LUZP2: variants seen among roughly 807,000 people sequenced by gnomAD.
The protein encoded by LUZP2 is leucine zipper protein 2.
A neutral mutation model predicts 51.6 loss-of-function variants in LUZP2; 52 were observed. That is an observed-to-expected ratio of 1.01 (90% CI 0.81 to 1.27). LUZP2 has a LOEUF of 1.27. LUZP2 is among the 50% of genes most tolerant of loss of function. LUZP2 has a pLI of 0.00. For synonymous variants in LUZP2, 154 were observed against 137.3 expected, an observed-to-expected ratio of 1.12 and a Z score of -0.85; for missense variants, 436 against 395.4, an observed-to-expected ratio of 1.10 and a Z score of -0.87.
At chr11:24,743,023 T>TG (rs1313991941) in intron 4 of LUZP2, among the ~76,000 whole-genome samples, 1 of 152,084 alleles carries the variant, frequency 6.6e-6, no homozygotes, top group Admixed American at 6.6e-5. Flanking sequence ...GGTTTATTTC[T>TG]GGGTTCACTA....
intron 1 of LUZP2, among the ~76,000 whole-genome samples, chr11:24,617,530 G>A (rs1372697628): frequency 1.3e-5 from 2 of 152,148 alleles, no homozygotes; most frequent in African/African-American, 4.8e-5. Flanking sequence ...ATTAAAACTT[G>A]GATAGTTGGG....
chr11:25,038,767 G>T (rs1857942638), intron 9 of LUZP2, among the ~76,000 whole-genome samples: 1 of 152,280 alleles, frequency 6.6e-6, no homozygotes, highest in Admixed American at 6.5e-5. Context: ...TTCTCATCTG[G>T]AAGGGCTAGC....
chr11:24,535,220 G>A (rs998793899), intron 1 of LUZP2, among the ~76,000 whole-genome samples: 1 of 151,258 alleles, frequency 6.6e-6, no homozygotes, highest in African/African-American at 2.4e-5. Flanking sequence ...TTACCTCAAT[G>A]TTGATGGCTA....
intron 4 of LUZP2, among the ~76,000 whole-genome samples, chr11:24,739,371 G>C (rs1859053692): frequency 6.6e-6 from 1 of 151,984 alleles, no homozygotes; most frequent in Admixed American, 6.6e-5. Context: ...TAATAAAAGG[G>C]GGGCAGTTAG....
chr11:24,832,133 A>G (rs1486693947), intron 5 of LUZP2: 1 of 152,198 alleles, frequency 6.6e-6, no homozygotes, highest in Non-Finnish European at 1.5e-5. Flanking sequence ...GATACTTGCT[A>G]TAATGGAAGA....
intron 9 of LUZP2, among the ~76,000 whole-genome samples, chr11:25,000,048 A>ATCCATTTTACAGAGTGCTAATTGG (rs1554952647): frequency 2.7e-5 from 4 of 150,794 alleles, no homozygotes; most frequent in Non-Finnish European, 4.4e-5. Flanking sequence ...GCACTGATTG[A>ATCCATTTTACAGAGTGCTAATTGG]TCCATTTTAC....
chr11:24,770,927 T>A (rs1860390282), intron 5 of LUZP2, among the ~76,000 whole-genome samples: 2 of 145,066 alleles, frequency 1.4e-5, no homozygotes, highest in African/African-American at 2.5e-5. Context: ...CCAGCCTGCC[T>A]GCTGCCCTGC....
At chr11:24,517,513 A>AAAAAAAAAAAAAAAATT (rs1850510206) in intron 1 of LUZP2, among the ~76,000 whole-genome samples, 1 of 145,430 alleles carries the variant, frequency 6.9e-6, no homozygotes, top group Non-Finnish European at 1.5e-5. Flanking sequence ...AAAAAAAAAA[A>AAAAAAAAAAAAAAAATT]TTGTAGGTAC....
chr11:24,598,746 G>A (rs1853526942), intron 1 of LUZP2, among the ~76,000 whole-genome samples: 1 of 152,128 alleles, frequency 6.6e-6, no homozygotes, highest in Non-Finnish European at 1.5e-5. Context: ...CTAGTTTTGT[G>A]TCTACCTAAA....
chr11:24,644,099 A>G (rs962900644), intron 1 of LUZP2, among the ~76,000 whole-genome samples: 4 of 152,166 alleles, frequency 2.6e-5, no homozygotes, highest in Non-Finnish European at 5.9e-5. Context: ...CCTAGGACTG[A>G]GTATTAAGGA....
chr11:24,541,632 A>T (rs948606505), intron 1 of LUZP2, among the ~76,000 whole-genome samples: 2 of 152,126 alleles, frequency 1.3e-5, no homozygotes, highest in African/African-American at 4.8e-5. Flanking sequence ...ACAATTGATT[A>T]TGTTGACTAC....
intron 1 of LUZP2, among the ~76,000 whole-genome samples, chr11:24,689,053 G>T (rs1292811845): frequency 2.0e-5 from 3 of 152,298 alleles, no homozygotes; most frequent in South Asian, 2.1e-4. Flanking sequence ...CAGAGGGAGA[G>T]ACCGAGGCAA....
intron 5 of LUZP2, among the ~76,000 whole-genome samples, chr11:24,841,382 T>C (rs1181656697): frequency 6.6e-6 from 1 of 152,122 alleles, no homozygotes; most frequent in Non-Finnish European, 1.5e-5. Flanking sequence ...GAAATAAATG[T>C]TTGTTGCTTA....
At chr11:24,752,036 A>G (rs912348885) in intron 4 of LUZP2, among the ~76,000 whole-genome samples, 5 of 152,180 alleles carry the variant, frequency 3.3e-5, no homozygotes, top group Non-Finnish European at 7.3e-5. Context: ...TGACAAATTT[A>G]TAGAAAGCAT....
Position 24,916,634 on chromosome 11 carries a change from T to C in LUZP2, c.522+2096T>C, listed in dbSNP as rs147251782. On this transcript the variant is annotated intron_variant, in intron 7 of 11. Coordinates refer to ENST00000336930, the MANE Select transcript of LUZP2 (RefSeq NM_001009909.4). ...TTTGCTGAGAATGATAGTTTCCAGC[T>C]TCATCCATGTCCCTACAAAGGACAT... 9.5e-3 allele frequency among the ~76,000 whole-genome samples: 1,439 copies of C among 152,250 alleles called. 18 individuals carry two copies. Among genetic ancestry groups the C allele is most frequent in the Middle Eastern group, 0.017 (5 of 294 alleles).
chr11:24,939,765 A>G (rs552079724), intron 7 of LUZP2, among the ~76,000 whole-genome samples: 12 of 152,322 alleles, frequency 7.9e-5, no homozygotes, highest in Middle Eastern at 3.4e-3. Context: ...AGAGTCAATG[A>G]TGGTGATATT....
chr11:24,893,525 G>A (rs749630957), intron 5 of LUZP2, among the ~76,000 whole-genome samples: 8 of 151,960 alleles, frequency 5.3e-5, no homozygotes, highest in African/African-American at 1.2e-4. Context: ...AATAACAACA[G>A]AGATCCTTGG....
intron 5 of LUZP2, chr11:24,892,233 A>G: frequency 1.0e-6 from 1 of 985,526 alleles, no homozygotes; most frequent in Non-Finnish European, 1.2e-6. Flanking sequence ...TCCCAGATTC[A>G]GCCTATATTT....
chr11:24,868,343 C>A (rs1398875268), intron 5 of LUZP2, among the ~76,000 whole-genome samples: 2 of 152,104 alleles, frequency 1.3e-5, no homozygotes, highest in Non-Finnish European at 2.9e-5. Context: ...CTACAATTTT[C>A]TGACTCTGGA....
Sources: gnomAD v4.1 joint callset for allele counts (sites outside exome capture counted in the v4.1 genomes callset) on GRCh38, gnomAD v4.1.1 for gene constraint, MANE v1.5 for transcripts, NCBI Gene and HGNC (gene_info 2026-07-23, HGNC 2026-07-21) for gene names.